TYW1B: variants seen among roughly 807,000 people sequenced by gnomAD.
The protein encoded by TYW1B is tRNA-yW synthesizing protein 1 homolog B.
A neutral mutation model predicts 86.9 loss-of-function variants in TYW1B; 73 were observed. The observed-to-expected ratio is 0.84, with a 90% CI of 0.70 to 1.02. The LOEUF (loss-of-function observed/expected upper bound fraction) is 1.02, where lower values mean the gene tolerates loss of function less well. TYW1B is among the 50% of genes least tolerant of loss of function. TYW1B has a pLI of 0.00. For synonymous variants in TYW1B, 248 were observed against 292.8 expected, an observed-to-expected ratio of 0.85 and a Z score of 1.56; for missense variants, 637 against 827.4, an observed-to-expected ratio of 0.77 and a Z score of 2.82.
chr7:72,755,307 T>C (rs1201880191), intron 7 of TYW1B, among the ~76,000 whole-genome samples: 1 of 152,156 alleles, frequency 6.6e-6, no homozygotes, highest in East Asian at 1.9e-4. Flanking sequence ...TAGTCCCAGC[T>C]ACTCAGGAGG....
intron 11 of TYW1B, among the ~76,000 whole-genome samples, chr7:72,686,165 C>A (rs1196040935): frequency 1.3e-5 from 2 of 152,176 alleles, no homozygotes; most frequent in African/African-American, 4.8e-5. Flanking sequence ...TCTTAAAAAA[C>A]TAAACAATAC....
intron 11 of TYW1B, among the ~76,000 whole-genome samples, chr7:72,684,267 C>T (rs1554448895): frequency 6.6e-6 from 1 of 152,032 alleles, no homozygotes; most frequent in African/African-American, 2.4e-5. Flanking sequence ...GCCAGAAAAA[C>T]TATAGATAAG....
intron 13 of TYW1B, among the ~76,000 whole-genome samples, chr7:72,582,006 T>C (rs1811164362): frequency 6.6e-6 from 1 of 151,926 alleles, no homozygotes; most frequent in African/African-American, 2.4e-5. Context: ...TGACCTCAGG[T>C]GATTCACCTG....
intron 8 of TYW1B, among the ~76,000 whole-genome samples, chr7:72,739,118 T>A (rs35984320): frequency 6.6e-5 from 10 of 152,172 alleles, no homozygotes; most frequent in Non-Finnish European, 1.3e-4. Context: ...TTTTAACAGA[T>A]CTTATTATTT....
intron 11 of TYW1B, among the ~76,000 whole-genome samples, chr7:72,663,761 CAAAAAAAAAAAAA>C: frequency 1.7e-5 from 1 of 57,844 alleles, no homozygotes; most frequent in East Asian, 5.5e-4. Flanking sequence ...GACTCCATCT[CAAAAAAAAAAAAA>C]AAAAAAAAAA....
intron 6 of TYW1B, among the ~76,000 whole-genome samples, chr7:72,797,780 T>C (rs1436433787): frequency 1.3e-5 from 2 of 151,968 alleles, no homozygotes; most frequent in African/African-American, 4.8e-5. Context: ...GGGAGTTCTG[T>C]GAGTCATTCC....
chr7:72,782,768 T>C (rs1455348702), intron 6 of TYW1B, among the ~76,000 whole-genome samples: 1 of 152,046 alleles, frequency 6.6e-6, no homozygotes, highest in Non-Finnish European at 1.5e-5. Flanking sequence ...TTTCAGCTAC[T>C]GGGGAGGCTG....
intron 11 of TYW1B, among the ~76,000 whole-genome samples, chr7:72,673,098 G>A (rs1554446685): frequency 6.6e-6 from 1 of 152,170 alleles, no homozygotes; most frequent in Non-Finnish European, 1.5e-5. Flanking sequence ...AACCCAGGAG[G>A]TGGAGGCTGC....
At chr7:72,762,662 GT>G (rs1787704121) in intron 7 of TYW1B, among the ~76,000 whole-genome samples, 1 of 151,804 alleles carries the variant, frequency 6.6e-6, no homozygotes, top group Admixed American at 6.6e-5. Context: ...GGTGTTTTTT[GT>G]TTTGTTTTTC....
chr7:72,806,294 C>T (rs1383938637), intron 5 of TYW1B, among the ~76,000 whole-genome samples: 2 of 146,132 alleles, frequency 1.4e-5, no homozygotes, highest in South Asian at 2.2e-4. Flanking sequence ...GGAGTGCAGT[C>T]GCGTGATCTC....
rs187727312 is a variant in TYW1B at position 72,709,448 on chromosome 7, C to T, written c.1370+4173G>A. On this transcript the variant is annotated intron_variant, in intron 10 of 13. Coordinates refer to ENST00000620995, the MANE Select transcript of TYW1B (RefSeq NM_001145440.3). ...CTTTGGGAGGCCAAGGCGGGCGGATCACAAGGTCAGGAGATCGAGACCATC... is the reference window on the plus strand; with the variant it reads ...CTTTGGGAGGCCAAGGCGGGCGGATTACAAGGTCAGGAGATCGAGACCATC... 2.7e-3 allele frequency among the ~76,000 whole-genome samples: 395 copies of T among 148,048 alleles called. 2 individuals carry two copies. The highest frequency in any genetic ancestry group is 3.9e-3 in the African/African-American group (156 of 39,658).
At chr7:72,775,943 A>G (rs1554470463) in intron 7 of TYW1B, among the ~76,000 whole-genome samples, 1 of 152,180 alleles carries the variant, frequency 6.6e-6, no homozygotes, top group East Asian at 1.9e-4. Flanking sequence ...ATAAAAATAG[A>G]TATTTTTGTT....
chr7:72,603,314 CAGAT>C (rs1436097899), intron 13 of TYW1B, among the ~76,000 whole-genome samples: 5 of 145,658 alleles, frequency 3.4e-5, no homozygotes, highest in Non-Finnish European at 6.0e-5. Flanking sequence ...GATGGATGGA[CAGAT>C]AGATGATGGA....
At chr7:72,634,353 T>A (rs1160474334) in intron 11 of TYW1B, among the ~76,000 whole-genome samples, 2 of 147,422 alleles carry the variant, frequency 1.4e-5, no homozygotes, top group Non-Finnish European at 3.0e-5. Flanking sequence ...TTTTTTTTTT[T>A]TTCTTTTTTT....
intron 7 of TYW1B, among the ~76,000 whole-genome samples, chr7:72,772,003 T>G (rs1306742065): frequency 6.6e-6 from 1 of 151,880 alleles, no homozygotes; most frequent in Non-Finnish European, 1.5e-5. Context: ...TGCTTCACCC[T>G]GCCAGGCTGA....
intron 6 of TYW1B, among the ~76,000 whole-genome samples, chr7:72,801,944 C>G (rs1329896553): frequency 6.6e-6 from 1 of 152,146 alleles, no homozygotes; most frequent in Non-Finnish European, 1.5e-5. Flanking sequence ...TGAATAAAAT[C>G]TTTCTAACCA....
intron 13 of TYW1B, among the ~76,000 whole-genome samples, chr7:72,593,624 C>T (rs1173092298): frequency 6.6e-6 from 1 of 151,838 alleles, no homozygotes; most frequent in African/African-American, 2.4e-5. Context: ...AGATCGAGAC[C>T]ATCCTGGCTA....
intron 8 of TYW1B, among the ~76,000 whole-genome samples, chr7:72,738,028 C>T (rs1787228944): frequency 6.6e-6 from 1 of 151,784 alleles, no homozygotes; most frequent in Non-Finnish European, 1.5e-5. Flanking sequence ...CCCGCCTCAG[C>T]CTCCCAAAGT....
At chr7:72,588,785 G>A (rs1289425666) in intron 13 of TYW1B, among the ~76,000 whole-genome samples, 1 of 150,978 alleles carries the variant, frequency 6.6e-6, no homozygotes, top group Non-Finnish European at 1.5e-5. Context: ...AATTCTAGTT[G>A]TGTCCTATTT....
Sources: allele counts gnomAD v4.1 joint callset (sites outside exome capture counted in the v4.1 genomes callset), GRCh38; gene constraint gnomAD v4.1.1; transcripts MANE v1.5; gene names NCBI Gene and HGNC (gene_info 2026-07-23, HGNC 2026-07-21).